Variants in FRMD4A observed in about 807,000 individuals in gnomAD.
FRMD4A encodes the protein FERM domain-containing protein 4A.
FRMD4A carries 29 observed loss-of-function variants against 129.1 expected under a neutral mutation model. That is an observed-to-expected ratio of 0.22 (90% CI 0.17 to 0.31). The LOEUF (loss-of-function observed/expected upper bound fraction) is 0.31. FRMD4A is among the 10% of genes least tolerant of loss of function. The pLI, the probability that FRMD4A is intolerant of heterozygous loss-of-function variation, is 1.00. For missense variants in FRMD4A, 1,272 were observed against 1,375.8 expected (o/e 0.92, Z 1.19); for synonymous variants, 634 against 571.6 (o/e 1.11, Z -1.56).
At chr10:13,925,423 T>G (rs2095120310) in intron 2 of FRMD4A, among the ~76,000 whole-genome samples, 1 of 152,214 alleles carries the variant, frequency 6.6e-6, no homozygotes. Context: ...TTCTTGGTCA[T>G]TCAAACCACT....
At chr10:14,266,509 G>GTA (rs959138522) in intron 2 of FRMD4A, among the ~76,000 whole-genome samples, 5 of 151,260 alleles carry the variant, frequency 3.3e-5, no homozygotes, top group African/African-American at 1.2e-4. Context: ...CTGTGTGTGT[G>GTA]TGTGTGTGTG....
chr10:13,789,834 G>T (rs1171084150), intron 5 of FRMD4A, among the ~76,000 whole-genome samples: 1 of 150,564 alleles, frequency 6.6e-6, no homozygotes, highest in Non-Finnish European at 1.5e-5. Flanking sequence ...GAAGAGGTGA[G>T]GCTGGACAGT....
intron 2 of FRMD4A, among the ~76,000 whole-genome samples, chr10:14,246,451 A>T (rs1038060115): frequency 6.6e-6 from 1 of 152,170 alleles, no homozygotes; most frequent in African/African-American, 2.4e-5. Flanking sequence ...ACAATCACAC[A>T]TATATACAGG....
chr10:14,322,107 C>T (rs1048736302), intron 2 of FRMD4A, among the ~76,000 whole-genome samples: 2 of 152,150 alleles, frequency 1.3e-5, no homozygotes, highest in Admixed American at 1.3e-4. Flanking sequence ...TTATAAATTA[C>T]CCATTCTCAG....
At chr10:13,970,407 T>C (rs2095510723) in intron 2 of FRMD4A, among the ~76,000 whole-genome samples, 1 of 152,142 alleles carries the variant, frequency 6.6e-6, no homozygotes, top group South Asian at 2.1e-4. Context: ...CTCCCTCCCC[T>C]GAAAGTCCAG....
chr10:14,053,529 C>G (rs1204835359), intron 2 of FRMD4A, among the ~76,000 whole-genome samples: 1 of 152,196 alleles, frequency 6.6e-6, no homozygotes, highest in Non-Finnish European at 1.5e-5. Context: ...ACTGAGCTTC[C>G]AATACACCTT....
chr10:14,160,368 C>T (rs1268370456), intron 2 of FRMD4A, among the ~76,000 whole-genome samples: 2 of 152,082 alleles, frequency 1.3e-5, no homozygotes, highest in African/African-American at 4.8e-5. Flanking sequence ...CAATTCAGGA[C>T]ATTGGTCTCG....
intron 15 of FRMD4A, chr10:13,693,269 C>T (rs537709450): frequency 7.9e-4 from 130 of 165,080 alleles, no homozygotes; most frequent in African/African-American, 3.1e-3. Context: ...CAGTAAATGA[C>T]ACCCCCCTTT....
intron 22 of FRMD4A, 94 bp downstream of exon 22, chr10:13,656,542 C>T (rs1268914449): frequency 2.4e-6 from 3 of 1,267,736 alleles, no homozygotes; most frequent in East Asian, 3.1e-5. Flanking sequence ...TCACTGCACC[C>T]AGTCCTAAGG....
chr10:14,292,882 T>A (rs557194847), intron 2 of FRMD4A, among the ~76,000 whole-genome samples: 1 of 152,248 alleles, frequency 6.6e-6, no homozygotes, highest in South Asian at 2.1e-4. Flanking sequence ...CATTAATACA[T>A]AATCCATTAA....
intron 9 of FRMD4A, among the ~76,000 whole-genome samples, chr10:13,745,109 T>C (rs2091222660): frequency 1.3e-5 from 2 of 152,220 alleles, no homozygotes; most frequent in African/African-American, 4.8e-5. Context: ...TTCGAGGTGA[T>C]GGATATCCCA....
chr10:14,291,698 A>G (rs1306009381), intron 2 of FRMD4A, among the ~76,000 whole-genome samples: 1 of 152,108 alleles, frequency 6.6e-6, no homozygotes, highest in Non-Finnish European at 1.5e-5. Context: ...TTAGAAAGTA[A>G]CACATTTAAT....
intron 2 of FRMD4A, among the ~76,000 whole-genome samples, chr10:14,156,716 A>C (rs1840620580): frequency 6.6e-6 from 1 of 152,180 alleles, no homozygotes; most frequent in South Asian, 2.1e-4. Flanking sequence ...ATTTTGCATA[A>C]AACTCAACTC....
chr10:13,827,949 T>A (rs891179335), intron 3 of FRMD4A, among the ~76,000 whole-genome samples: 4 of 152,326 alleles, frequency 2.6e-5, no homozygotes, highest in Middle Eastern at 3.4e-3. Context: ...CTGTCTCTAC[T>A]GCCCAAATAC....
intron 2 of FRMD4A, among the ~76,000 whole-genome samples, chr10:14,168,748 A>T (rs947425009): frequency 6.6e-6 from 1 of 152,208 alleles, no homozygotes; most frequent in African/African-American, 2.4e-5. Flanking sequence ...TAACTTCTCA[A>T]AATGACCTAT....
intron 3 of FRMD4A, among the ~76,000 whole-genome samples, chr10:13,812,113 C>G (rs2093459397): frequency 1.3e-5 from 2 of 152,096 alleles, no homozygotes. Flanking sequence ...GATCTCTTGA[C>G]CTCGTGATCT....
At chr10:13,797,945 A>G (rs186241944) in intron 4 of FRMD4A, among the ~76,000 whole-genome samples, 1 of 152,074 alleles carries the variant, frequency 6.6e-6, no homozygotes, top group African/African-American at 2.4e-5. Flanking sequence ...CCCCCTCCAC[A>G]AAGCCCATAC....
At chr10:14,073,214 T>C (rs984819685) in intron 2 of FRMD4A, among the ~76,000 whole-genome samples, 7 of 152,194 alleles carry the variant, frequency 4.6e-5, no homozygotes, top group Middle Eastern at 3.4e-3. Context: ...ATAATTGGTG[T>C]ATTTCTTGTA....
intron 2 of FRMD4A, among the ~76,000 whole-genome samples, chr10:14,025,589 G>A (rs567754448): frequency 4.6e-5 from 7 of 152,184 alleles, no homozygotes; most frequent in East Asian, 1.9e-4. Flanking sequence ...AAAAATTTTG[G>A]GGCCTTAAGG....
Sources: allele counts gnomAD v4.1 joint callset (sites outside exome capture counted in the v4.1 genomes callset), GRCh38; gene constraint gnomAD v4.1.1; transcripts MANE v1.5; gene names NCBI Gene and HGNC (gene_info 2026-07-23, HGNC 2026-07-21).